The following PRKN variants were observed in gnomAD, a reference collection of about 807,000 sequenced individuals.
PRKN encodes E3 ubiquitin-protein ligase parkin.
PRKN carries 56 observed loss-of-function variants against 59.5 expected under a neutral mutation model. That is an observed-to-expected ratio of 0.94 (90% CI 0.76 to 1.18). PRKN has a LOEUF of 1.18. Ranked by LOEUF, PRKN falls within the 50% of genes most tolerant of loss-of-function variation. The pLI is 0.00. For synonymous variants in PRKN, 250 were observed against 222.1 expected, an observed-to-expected ratio of 1.13 and a Z score of -1.12; for missense variants, 657 against 596.4, an observed-to-expected ratio of 1.10 and a Z score of -1.06.
At chr6:162,644,820 T>A (rs1778101713) in intron 1 of PRKN, among the ~76,000 whole-genome samples, 1 of 152,142 alleles carries the variant, frequency 6.6e-6, no homozygotes, top group African/African-American at 2.4e-5. Flanking sequence ...TCCTATAGAT[T>A]TGGTTGAAGT....
chr6:162,040,026 C>T (rs755599691), intron 5 of PRKN, among the ~76,000 whole-genome samples: 8 of 152,172 alleles, frequency 5.3e-5, no homozygotes, highest in Non-Finnish European at 1.0e-4. Flanking sequence ...CTTGCCTCTG[C>T]TCTGCTTGAC....
intron 6 of PRKN, among the ~76,000 whole-genome samples, chr6:161,877,461 A>ATT (rs35664661): frequency 0.016 from 2,309 of 141,312 alleles, 56 homozygotes; most frequent in African/African-American, 0.055. Context: ...ACATATTTGC[A>ATT]TTTTTTTTTT....
chr6:161,719,593 T>C (rs1787133609), intron 7 of PRKN, among the ~76,000 whole-genome samples: 1 of 152,162 alleles, frequency 6.6e-6, no homozygotes, highest in Non-Finnish European at 1.5e-5. Context: ...ATAAAATGAA[T>C]TGAATATAAT....
At chr6:162,593,828 A>G (rs756834923) in intron 1 of PRKN, among the ~76,000 whole-genome samples, 1 of 152,158 alleles carries the variant, frequency 6.6e-6, no homozygotes, top group African/African-American at 2.4e-5. Context: ...GTGTTTCTAG[A>G]TAATTTATTC....
chr6:162,427,410 C>T (rs180996311), intron 2 of PRKN, among the ~76,000 whole-genome samples: 1 of 152,194 alleles, frequency 6.6e-6, no homozygotes, highest in Admixed American at 6.5e-5. Flanking sequence ...ATTAGAAACA[C>T]CTTAAATTCC....
intron 5 of PRKN, among the ~76,000 whole-genome samples, chr6:161,974,802 T>G (rs1780961418): frequency 1.3e-5 from 2 of 152,218 alleles, no homozygotes; most frequent in African/African-American, 2.4e-5. Context: ...GATCTGGTAT[T>G]GACAAACTTT....
chr6:162,241,467 A>AAATGAATTAG (rs1206701093), intron 3 of PRKN, among the ~76,000 whole-genome samples: 2 of 152,112 alleles, frequency 1.3e-5, no homozygotes, highest in Non-Finnish European at 2.9e-5. Context: ...TTATGGAGAT[A>AAATGAATTAG]AATGAATTAG....
At chr6:162,385,861 T>C (rs1374944279) in intron 2 of PRKN, among the ~76,000 whole-genome samples, 1 of 152,130 alleles carries the variant, frequency 6.6e-6, no homozygotes, top group African/African-American at 2.4e-5. Flanking sequence ...GTTCGGTTTT[T>C]TCCCTAAAAA....
rs6907738 is a variant in PRKN at position 161,852,694 on chromosome 6, A to G, written c.735-66786T>C. ...AACTGAGCTTTTTTGAAGAAACATT[A>G]AATGCACACATAAAACCCCTGAATG... On this transcript the variant is annotated intron_variant, in intron 6 of 11. Coordinates refer to ENST00000366898, the MANE Select transcript of PRKN (RefSeq NM_004562.3). Among the ~76,000 whole-genome samples, 608 of 152,350 alleles carry G rather than the reference A, an allele frequency of 4.0e-3. 3 individuals are homozygous for G. Among genetic ancestry groups the G allele is most frequent in the African/African-American group, 0.014 (570 of 41,580 alleles).
intron 2 of PRKN, among the ~76,000 whole-genome samples, chr6:162,354,953 T>C (rs1468242649): frequency 6.6e-6 from 1 of 151,900 alleles, no homozygotes; most frequent in Non-Finnish European, 1.5e-5. Context: ...TTACTTTTCC[T>C]CAGTCAATTA....
intron 1 of PRKN, among the ~76,000 whole-genome samples, chr6:162,534,923 G>A (rs535517469): frequency 1.8e-4 from 28 of 152,164 alleles, no homozygotes; most frequent in African/African-American, 6.0e-4. Context: ...CCCATCAGAG[G>A]AGAAGCATCC....
At chr6:162,725,281 T>C (rs1469316473) in intron 1 of PRKN, among the ~76,000 whole-genome samples, 1 of 152,230 alleles carries the variant, frequency 6.6e-6, no homozygotes. Flanking sequence ...CCCAGATACA[T>C]ACTATTTACA....
At chr6:162,142,449 A>T (rs1781829092) in intron 4 of PRKN, among the ~76,000 whole-genome samples, 1 of 152,196 alleles carries the variant, frequency 6.6e-6, no homozygotes, top group South Asian at 2.1e-4. Flanking sequence ...TCGTTCCTCC[A>T]TTATAGGCTT....
intron 6 of PRKN, among the ~76,000 whole-genome samples, chr6:161,964,597 G>C (rs1415268783): frequency 1.3e-5 from 2 of 151,936 alleles, no homozygotes; most frequent in Non-Finnish European, 2.9e-5. Flanking sequence ...ACATACCCTT[G>C]TTTATTATAA....
intron 2 of PRKN, among the ~76,000 whole-genome samples, chr6:162,414,536 A>C (rs973799348): frequency 6.6e-6 from 1 of 150,712 alleles, no homozygotes; most frequent in Non-Finnish European, 1.5e-5. Context: ...TGAAACCCCT[A>C]TCTCTACTAA....
intron 1 of PRKN, among the ~76,000 whole-genome samples, chr6:162,662,346 C>T (rs1778918512): frequency 1.3e-5 from 2 of 151,158 alleles, no homozygotes; most frequent in Admixed American, 1.3e-4. Flanking sequence ...GCATAGCTTG[C>T]AAATTTTTTT....
At position 161,385,001 on chromosome 6, in the gene PRKN, C is replaced by G. The variant is rs1010112864; in HGVS notation, c.1167+1793G>C. ...CTGGAGTGCAGTGGTGCGATCTCAG[C>G]TCACTGCAACCTCCACCTCCCGGGT... On this transcript the variant is annotated intron_variant, in intron 10 of 11. Coordinates refer to ENST00000366898, the MANE Select transcript of PRKN (RefSeq NM_004562.3). The surrounding 1 kb of genome is among the most constrained non-coding windows in gnomAD (Gnocchi z 4.9). 2.0e-5 allele frequency among the ~76,000 whole-genome samples: 3 copies of G among 152,168 alleles called. No homozygotes were observed. Among genetic ancestry groups the G allele is most frequent in the Non-Finnish European group, 4.4e-5 (3 of 68,032 alleles).
At chr6:161,882,565 C>T (rs2128229916) in intron 6 of PRKN, among the ~76,000 whole-genome samples, 1 of 152,328 alleles carries the variant, frequency 6.6e-6, no homozygotes, top group South Asian at 2.1e-4. Flanking sequence ...AGTTAAACTG[C>T]ATAAAGATCA....
chr6:161,650,467 C>T (rs1042074695), intron 7 of PRKN, among the ~76,000 whole-genome samples: 2 of 151,994 alleles, frequency 1.3e-5, no homozygotes, highest in African/African-American at 2.4e-5. Flanking sequence ...TATGTACAAA[C>T]TTGTGTCACC....
Sources: allele counts gnomAD v4.1 joint callset (sites outside exome capture counted in the v4.1 genomes callset), GRCh38; gene constraint gnomAD v4.1.1; non-coding constraint Gnocchi (gnomAD v3.1); transcripts MANE v1.5; gene names NCBI Gene and HGNC (gene_info 2026-07-23, HGNC 2026-07-21).